Variants in VTI1A observed in about 807,000 individuals in gnomAD.
VTI1A encodes vesicle transport through interaction with t-SNAREs homolog 1A.
Under a neutral mutation model 34.9 loss-of-function variants are expected in VTI1A, and 22 were observed. The ratio of observed to expected loss-of-function variants is 0.63; its 90% CI spans 0.45 to 0.90. The LOEUF (loss-of-function observed/expected upper bound fraction) is 0.90, where lower values mean the gene tolerates loss of function less well. Ranked by LOEUF, VTI1A falls within the 40% of genes least tolerant of loss-of-function variation. VTI1A has a pLI of 0.00. For synonymous variants in VTI1A, 87 were observed against 97.3 expected, an observed-to-expected ratio of 0.89 and a Z score of 0.62; for missense variants, 268 against 275.6, an observed-to-expected ratio of 0.97 and a Z score of 0.20.
intron 7 of VTI1A, among the ~76,000 whole-genome samples, chr10:112,688,521 C>CTTT (rs59853999): frequency 5.2e-5 from 6 of 116,442 alleles, no homozygotes; most frequent in South Asian, 2.8e-4. Flanking sequence ...CAATTTTTTT[C>CTTT]TTTTTTTTTT....
At chr10:112,614,199 T>C (rs1301555435) in intron 5 of VTI1A, among the ~76,000 whole-genome samples, 2 of 152,126 alleles carry the variant, frequency 1.3e-5, no homozygotes, top group Non-Finnish European at 2.9e-5. Context: ...CCATGCGTGG[T>C]CTTGAGTCTT....
intron 7 of VTI1A, among the ~76,000 whole-genome samples, chr10:112,715,269 A>G (rs1248936795): frequency 6.6e-6 from 1 of 152,228 alleles, no homozygotes; most frequent in Non-Finnish European, 1.5e-5. Flanking sequence ...GGAGGAAGAT[A>G]GCACCTAAAT....
chr10:112,699,336 G>A lies in VTI1A; in HGVS notation c.560+30338G>A, dbSNP rs555817148. Among the ~76,000 whole-genome samples, 4 of 152,334 alleles carry A rather than the reference G, an allele frequency of 2.6e-5. No individual in the cohort carries two copies. The South Asian group carries it at 8.3e-4, about 32-fold the overall frequency. On this transcript the variant is annotated intron_variant, in intron 7 of 7. Coordinates refer to ENST00000393077, the MANE Select transcript of VTI1A (RefSeq NM_145206.4). ...AGGTTGGGAAATTTAAGATCAAGGT[G>A]CTGGCAGATCTGCTGTCTGGTAAGG...
chr10:112,458,260 G>A (rs887612173), intron 1 of VTI1A, among the ~76,000 whole-genome samples: 4 of 152,106 alleles, frequency 2.6e-5, no homozygotes, highest in South Asian at 2.1e-4. Context: ...CTCCTGATAC[G>A]TAAATACACC....
intron 7 of VTI1A, among the ~76,000 whole-genome samples, chr10:112,709,082 T>C (rs1432350996): frequency 1.3e-5 from 2 of 152,152 alleles, no homozygotes; most frequent in Non-Finnish European, 2.9e-5. Context: ...CTCACCTCCA[T>C]CCTGTTCCTG....
Position 112,544,579 on chromosome 10 carries a change from C to T in VTI1A, c.427+6249C>T, listed in dbSNP as rs73365057. On this transcript the variant is annotated intron_variant, in intron 5 of 7. Transcript: ENST00000393077. ...AACGACGCGAGGTATTCAAGAGTAA[C>T]GGCACCAGCCTGCACAACATAGCAA... Among the ~76,000 whole-genome samples the T allele has an allele frequency of 2.7e-3, 409 of 151,536 alleles. 1 individual carries two copies. Among genetic ancestry groups the T allele is most frequent in the African/African-American group, 9.6e-3 (394 of 41,238 alleles).
At chr10:112,787,240 G>T (rs1852314647) in intron 7 of VTI1A, among the ~76,000 whole-genome samples, 1 of 152,080 alleles carries the variant, frequency 6.6e-6, no homozygotes, top group African/African-American at 2.4e-5. Flanking sequence ...GTTAAGTAGT[G>T]ATGTTCTTCT....
chr10:112,798,776 G>A (rs569475232), intron 7 of VTI1A, among the ~76,000 whole-genome samples: 68 of 152,308 alleles, frequency 4.5e-4, no homozygotes, highest in Non-Finnish European at 8.7e-4. Context: ...ACAGCAAATT[G>A]TAAGTAGAGG....
intron 5 of VTI1A, among the ~76,000 whole-genome samples, chr10:112,661,013 G>A (rs897086092): frequency 6.6e-6 from 1 of 152,122 alleles, no homozygotes; most frequent in African/African-American, 2.4e-5. Context: ...CAGGGTCTCA[G>A]TCTGTCACCC....
the VTI1A span, among the ~76,000 whole-genome samples, chr10:112,840,614 C>G: frequency 1.3e-5 from 2 of 152,182 alleles, no homozygotes; most frequent in Non-Finnish European, 2.9e-5. Flanking sequence ...ATTGAGACCC[C>G]CTGGGCAGCT....
intron 5 of VTI1A, among the ~76,000 whole-genome samples, chr10:112,643,585 C>T (rs1275809976): frequency 6.6e-6 from 1 of 151,964 alleles, no homozygotes; most frequent in Admixed American, 6.6e-5. Context: ...AAAAATTATC[C>T]TTTTTTTGCT....
intron 4 of VTI1A, among the ~76,000 whole-genome samples, chr10:112,537,731 C>T (rs1850701524): frequency 6.6e-6 from 1 of 152,134 alleles, no homozygotes; most frequent in African/African-American, 2.4e-5. Flanking sequence ...AGTATTCTGT[C>T]TTAGTAGCAT....
intron 5 of VTI1A, among the ~76,000 whole-genome samples, chr10:112,660,528 C>T (rs1024007041): frequency 2.0e-5 from 3 of 152,196 alleles, no homozygotes; most frequent in Admixed American, 2.0e-4. Flanking sequence ...GTGAATACTT[C>T]TTGATTTCTT....
At chr10:112,806,563 G>A (rs1288147838) in intron 7 of VTI1A, among the ~76,000 whole-genome samples, 1 of 151,512 alleles carries the variant, frequency 6.6e-6, no homozygotes, top group Non-Finnish European at 1.5e-5. Context: ...TGGGATTACA[G>A]GCATGAGCCA....
chr10:112,597,259 C>T (rs1844686065), intron 5 of VTI1A, among the ~76,000 whole-genome samples: 1 of 152,036 alleles, frequency 6.6e-6, no homozygotes, highest in Non-Finnish European at 1.5e-5. Flanking sequence ...CTCTTTTTGC[C>T]CAGGCTGGAG....
intron 5 of VTI1A, among the ~76,000 whole-genome samples, chr10:112,612,936 A>G (rs973500480): frequency 6.6e-6 from 1 of 152,068 alleles, no homozygotes; most frequent in African/African-American, 2.4e-5. Context: ...TATTTTGCAT[A>G]TAACCTGAAT....
intron 5 of VTI1A, among the ~76,000 whole-genome samples, chr10:112,645,703 TC>T (rs1846747993): frequency 6.6e-6 from 1 of 152,218 alleles, no homozygotes; most frequent in Non-Finnish European, 1.5e-5. Context: ...TCTAAAACGC[TC>T]CTGATTCTAG....
intron 5 of VTI1A, among the ~76,000 whole-genome samples, chr10:112,575,407 G>A (rs564013861): frequency 6.9e-4 from 105 of 152,286 alleles, no homozygotes; most frequent in African/African-American, 2.4e-3. Context: ...TTCTTCATGT[G>A]TGTTTAAATA....
intron 5 of VTI1A, among the ~76,000 whole-genome samples, chr10:112,571,170 G>A (rs1015438578): frequency 2.2e-4 from 34 of 152,274 alleles, no homozygotes; most frequent in African/African-American, 8.2e-4. Context: ...ATGCCATACT[G>A]CTAGATATTA....
Sources: gnomAD v4.1 joint callset for allele counts (sites outside exome capture counted in the v4.1 genomes callset) on GRCh38, gnomAD v4.1.1 for gene constraint, MANE v1.5 for transcripts, NCBI Gene and HGNC (gene_info 2026-07-23, HGNC 2026-07-21) for gene names.